LRRK2: variants seen among roughly 807,000 people sequenced by gnomAD.
LRRK2 encodes the protein leucine-rich repeat serine/threonine-protein kinase 2.
LRRK2 carries 203 observed loss-of-function variants against 302.6 expected under a neutral mutation model. The observed-to-expected ratio is 0.67, with a 90% CI of 0.60 to 0.75. The LOEUF (loss-of-function observed/expected upper bound fraction) is 0.75. LRRK2 is among the 30% of genes least tolerant of loss of function. The probability of loss-of-function intolerance (pLI) is 0.00; values close to 1 mark genes in which losing one functional copy is unlikely to be tolerated. For missense variants in LRRK2, 2,830 were observed against 2,951.0 expected, an observed-to-expected ratio of 0.96 and a Z score of 0.95; for synonymous variants, 1,066 against 1,031.9, an observed-to-expected ratio of 1.03 and a Z score of -0.63.
chr12:40,295,324 C>T, intron 22 of LRRK2, 103 bp from the exon 23 acceptor site: 1 of 1,052,278 alleles, frequency 9.5e-7, no homozygotes. Flanking sequence ...ATCTTCAGTG[C>T]CTTGAAGAAA....
At chr12:40,289,194 G>T (rs1409580921) in intron 20 of LRRK2, among the ~76,000 whole-genome samples, 1 of 151,648 alleles carries the variant, frequency 6.6e-6, no homozygotes, top group African/African-American at 2.4e-5. Flanking sequence ...ATTAATGGAA[G>T]CTTTGTTCTC....
intron 3 of LRRK2, among the ~76,000 whole-genome samples, chr12:40,234,222 A>G (rs1340819028): frequency 6.6e-6 from 1 of 152,146 alleles, no homozygotes; most frequent in Admixed American, 6.5e-5. Context: ...ACAAAACTCT[A>G]GATGTGGCCA....
intron 14 of LRRK2, among the ~76,000 whole-genome samples, chr12:40,265,158 G>T (rs183442666): frequency 6.6e-6 from 1 of 152,090 alleles, no homozygotes; most frequent in South Asian, 2.1e-4. Flanking sequence ...CTTGAGTATG[G>T]CAAGAATTTA....
rs199794995 is a variant in LRRK2, at chr12:40,363,442, G to A, written c.7069G>A (p.Val2357Met). 4 of 1,611,990 alleles carry A rather than the reference G, an allele frequency of 2.5e-6. No homozygotes were observed. The highest frequency in any genetic ancestry group is 1.7e-5 in the Admixed American group (1 of 59,800). ...AAFSDSNIITVVVDTALYIAK... is the reference protein window; with the variant it reads ...AAFSDSNIITMVVDTALYIAK... ...TTTCAGTGATTCCAACATCATAACAGTGGTGGTAGACACTGCTCTCTATAT... is the reference window on the plus strand; with the variant it reads ...TTTCAGTGATTCCAACATCATAACAATGGTGGTAGACACTGCTCTCTATAT... Residue 2357 changes from valine (V) to methionine (M), a missense_variant, in exon 48 of 51, where the codon GTG becomes ATG. By Grantham distance (21) the Val-to-Met change is conservative. Transcript: ENST00000298910.
chr12:40,358,253 A>C (rs2137024303), intron 46 of LRRK2, among the ~76,000 whole-genome samples: 1 of 152,058 alleles, frequency 6.6e-6, no homozygotes, highest in African/African-American at 2.4e-5. Flanking sequence ...CATTTGTCTA[A>C]TTTTGTTTTT....
At chr12:40,227,671 G>A (rs193236193) in intron 2 of LRRK2, among the ~76,000 whole-genome samples, 1 of 152,108 alleles carries the variant, frequency 6.6e-6, no homozygotes, top group East Asian at 1.9e-4. Context: ...CATTGTGTAT[G>A]TATACCACAT....
rs143710836 is a variant in LRRK2 at position 40,304,000 on chromosome 12, G to A, written c.3643G>A (p.Ala1215Thr). Reference protein sequence around the residue: ...SNDIQYLPGPAHWKSLNLREL... With the variant: ...SNDIQYLPGPTHWKSLNLREL... ...TGATATTCAGTACCTACCAGGTCCCGCACACTGGAAATCTTTGAACTTAAG... is the reference window on the plus strand; with the variant it reads ...TGATATTCAGTACCTACCAGGTCCCACACACTGGAAATCTTTGAACTTAAG... The change falls in exon 27 of 51, where the codon GCA becomes ACA. Residue 1215 changes from alanine to threonine, a missense_variant. Coordinates refer to ENST00000298910, the MANE Select transcript of LRRK2 (RefSeq NM_198578.4). 9.4e-5 allele frequency: 151 copies of A among 1,613,608 alleles called. No individual in the cohort carries two copies. The highest frequency in any genetic ancestry group is 1.5e-4 in the Admixed American group (9 of 59,976).
At chr12:40,350,546 C>T (rs376882278) in intron 43 of LRRK2, among the ~76,000 whole-genome samples, 1 of 152,210 alleles carries the variant, frequency 6.6e-6, no homozygotes, top group African/African-American at 2.4e-5. Flanking sequence ...CACTGATACA[C>T]ATTTTAATAA....
chr12:40,291,431 A>AATATATATATAT (rs57902292), intron 20 of LRRK2, among the ~76,000 whole-genome samples: 171 of 146,370 alleles, frequency 1.2e-3, no homozygotes, highest in Middle Eastern at 3.6e-3. Context: ...AGTATAATAA[A>AATATATATATAT]ATATATATAT....
chr12:40,227,489 C>T (rs1194722889), intron 2 of LRRK2, among the ~76,000 whole-genome samples: 2 of 152,174 alleles, frequency 1.3e-5, no homozygotes, highest in Non-Finnish European at 2.9e-5. Flanking sequence ...CTGGTAACCA[C>T]CATTCTACTC....
chr12:40,330,326 CT>C (rs1308748789), intron 39 of LRRK2, among the ~76,000 whole-genome samples: 1 of 152,054 alleles, frequency 6.6e-6, no homozygotes, highest in Non-Finnish European at 1.5e-5. Flanking sequence ...AAACAATTTT[CT>C]TCAAAATTTG....
In LRRK2 at chr12:40,259,577, C is replaced by T. The variant is rs150368439; in HGVS notation, c.1516C>T (p.Arg506Ter). ...TSLPVQLEAL[R>*]AILHFIVPGM... The stretch of plus-strand genomic sequence containing the variant: ...ATTACCAGTGCAGCTGGAGGCGCTT[C>T]GAGCTATTTTACATTTTATAGTGCC... The change falls in exon 13 of 51, where the codon CGA becomes TGA. Residue 506 changes from arginine (R) to a stop codon, truncating the protein, a stop_gained. Transcript: ENST00000298910. LOFTEE classifies it high-confidence loss of function. 9.3e-6 allele frequency: 15 copies of T among 1,613,040 alleles called. No homozygotes were observed. The highest frequency in any genetic ancestry group is 4.0e-5 in the African/African-American group (3 of 74,816).
At position 40,251,468 on chromosome 12, in the gene LRRK2, G is replaced by A. The variant is rs1485812980; in HGVS notation, c.1105G>A (p.Ala369Thr). The A allele has an allele frequency of 6.2e-7, 1 of 1,611,706 alleles. No individual in the cohort carries two copies. The highest frequency in any genetic ancestry group is 8.5e-7 in the Non-Finnish European group (1 of 1,178,650). Residue 369 changes from alanine (A) to threonine (T), a missense_variant, in exon 10 of 51, where the codon GCC becomes ACC. Physicochemically the swap from Ala to Thr is moderately conservative, Grantham distance 58. Transcript: ENST00000298910. ...TCTTTTTTCTCCCCTAATCCAGGAG[G>A]CCGCATGCTGGGCACTAAATAATCT... is the stretch of plus-strand genomic sequence containing the variant. ...WHRKNKHVQE[A>T]ACWALNNLLM...
chr12:40,229,637 T>A (rs1160219766), intron 2 of LRRK2, among the ~76,000 whole-genome samples: 1 of 152,224 alleles, frequency 6.6e-6, no homozygotes, highest in Non-Finnish European at 1.5e-5. Context: ...GTGCATTAAT[T>A]ACATGCTTGA....
At chr12:40,340,999 A>G (rs79106392) in intron 41 of LRRK2, among the ~76,000 whole-genome samples, 2,650 of 152,304 alleles carry the variant, frequency 0.017, 81 homozygotes, top group African/African-American at 0.058. Flanking sequence ...ATGTTTGAGT[A>G]CAGGGGGCTG....
At chr12:40,291,254 G>T (rs1458996431) in intron 20 of LRRK2, among the ~76,000 whole-genome samples, 1 of 150,548 alleles carries the variant, frequency 6.6e-6, no homozygotes, top group East Asian at 2.0e-4. Flanking sequence ...ACAGGAAGGG[G>T]AACATCACAC....
intron 29 of LRRK2, 85 bp from the exon 30 acceptor site, chr12:40,309,021 A>G (rs1944935695): frequency 1.4e-6 from 2 of 1,400,884 alleles, no homozygotes; most frequent in Non-Finnish European, 2.0e-6. Flanking sequence ...AATAAATAGT[A>G]TTATTCTCCC....
intron 16 of LRRK2, among the ~76,000 whole-genome samples, chr12:40,276,773 C>T (rs1401933989): frequency 1.3e-5 from 2 of 152,072 alleles, no homozygotes; most frequent in African/African-American, 4.8e-5. Context: ...TATTAGTATT[C>T]GTAGATACTC....
chr12:40,352,930 A>AAAAC (rs1329288609), intron 44 of LRRK2, among the ~76,000 whole-genome samples: 1 of 152,260 alleles, frequency 6.6e-6, no homozygotes, highest in Non-Finnish European at 1.5e-5. Flanking sequence ...TCTACTCGAC[A>AAAAC]AAACCGCCAA....
Sources: gnomAD v4.1 joint callset for allele counts (sites outside exome capture counted in the v4.1 genomes callset) on GRCh38, gnomAD v4.1.1 for gene constraint, MANE v1.5 for transcripts, NCBI Gene and HGNC (gene_info 2026-07-23, HGNC 2026-07-21) for gene names.